ANK3: variants seen among roughly 807,000 people sequenced by gnomAD.
ANK3 encodes ankyrin-3.
ANK3 carries 57 observed loss-of-function variants against 370.9 expected under a neutral mutation model. The ratio of observed to expected loss-of-function variants is 0.15; its 90% CI spans 0.12 to 0.19. The LOEUF (loss-of-function observed/expected upper bound fraction) is 0.19, where lower values mean the gene tolerates loss of function less well. Among genes scored for constraint, ANK3 ranks in the 10% least tolerant of loss-of-function variants. The pLI is 1.00. For missense variants in ANK3, 4,439 were observed against 5,302.1 expected, an observed-to-expected ratio of 0.84 and a Z score of 5.06; for synonymous variants, 1,929 against 1,946.3, an observed-to-expected ratio of 0.99 and a Z score of 0.23.
chr10:60,103,125 AT>A (rs540477038), intron 28 of ANK3, among the ~76,000 whole-genome samples: 4 of 151,776 alleles, frequency 2.6e-5, no homozygotes, highest in Non-Finnish European at 5.9e-5. Flanking sequence ...TAATTTTTGT[AT>A]TTTTAGTAGA....
intron 8 of ANK3, among the ~76,000 whole-genome samples, chr10:60,223,594 T>C (rs1338597535): frequency 6.6e-6 from 1 of 152,184 alleles, no homozygotes. Context: ...AGTGAATGAA[T>C]GTGTTTTCAG....
At chr10:60,475,983 A>G (rs1409101980) in intron 2 of ANK3, among the ~76,000 whole-genome samples, 7 of 152,206 alleles carry the variant, frequency 4.6e-5, no homozygotes, top group African/African-American at 1.7e-4. Context: ...AAAGAAAACA[A>G]CTGAAAGAGA....
chr10:60,455,935 C>T (rs1411688930), intron 2 of ANK3, among the ~76,000 whole-genome samples: 2 of 152,176 alleles, frequency 1.3e-5, no homozygotes, highest in African/African-American at 4.8e-5. Flanking sequence ...TTAAACAGTT[C>T]CCTCTTCAAT....
At chr10:60,365,355 A>G (rs1221327030) in intron 1 of ANK3, among the ~76,000 whole-genome samples, 1 of 152,182 alleles carries the variant, frequency 6.6e-6, no homozygotes, top group Admixed American at 6.5e-5. Context: ...CTATTAATCC[A>G]AATCTGATAA....
At chr10:60,637,512 G>A (rs972728567) in intron 1 of ANK3, among the ~76,000 whole-genome samples, 4 of 152,034 alleles carry the variant, frequency 2.6e-5, no homozygotes, top group South Asian at 2.1e-4. Context: ...CAAATTCTTC[G>A]AACTAATAAT....
At chr10:60,297,714 T>C (rs1398941286) in intron 1 of ANK3, among the ~76,000 whole-genome samples, 2 of 152,136 alleles carry the variant, frequency 1.3e-5, no homozygotes, top group African/African-American at 2.4e-5. Flanking sequence ...TAAATTTGAT[T>C]ATCATCCAAA....
At chr10:60,325,802 T>C (rs1383564050) in intron 1 of ANK3, among the ~76,000 whole-genome samples, 7 of 152,170 alleles carry the variant, frequency 4.6e-5, no homozygotes, top group Non-Finnish European at 1.0e-4. Context: ...GGAGTATAAA[T>C]CATCCTTTTA....
At chr10:60,245,499 C>T (rs531837917) in intron 7 of ANK3, among the ~76,000 whole-genome samples, 2 of 152,282 alleles carry the variant, frequency 1.3e-5, no homozygotes, top group East Asian at 3.9e-4. Flanking sequence ...GTGGTCACTT[C>T]CCATTTCTCT....
At chr10:60,609,125 C>G (rs2078168249) in intron 2 of ANK3, among the ~76,000 whole-genome samples, 1 of 152,076 alleles carries the variant, frequency 6.6e-6, no homozygotes, top group South Asian at 2.1e-4. Flanking sequence ...ACGTACTTGC[C>G]AAGAACTTTT....
chr10:60,141,081 G>C, intron 23 of ANK3: 2 of 952,296 alleles, frequency 2.1e-6, no homozygotes, highest in Non-Finnish European at 2.5e-6. Flanking sequence ...AAAAGAGAGA[G>C]GGAGGGCCTG....
chr10:60,372,783 C>T (rs184480703), intron 1 of ANK3, among the ~76,000 whole-genome samples: 7 of 152,242 alleles, frequency 4.6e-5, no homozygotes, highest in South Asian at 2.1e-4. Flanking sequence ...CCTTCGAAAC[C>T]GATGTATTTA....
chr10:60,085,039 A>T, intron 31 of ANK3, 118 bp downstream of exon 31: 1 of 862,316 alleles, frequency 1.2e-6, no homozygotes, highest in South Asian at 1.9e-5. Context: ...ATAAGCAAAT[A>T]CTACGGATTT....
At chr10:60,269,270 T>C (rs2097924338) in intron 5 of ANK3, among the ~76,000 whole-genome samples, 1 of 152,202 alleles carries the variant, frequency 6.6e-6, no homozygotes, top group African/African-American at 2.4e-5. Flanking sequence ...TAAATAACTT[T>C]CTATTTTTAA....
chr10:60,588,833 C>A (rs1336956982), intron 2 of ANK3, among the ~76,000 whole-genome samples: 2 of 152,050 alleles, frequency 1.3e-5, no homozygotes, highest in East Asian at 3.9e-4. Flanking sequence ...TGGCTTAAAC[C>A]CAGGATGTTG....
At chr10:60,633,921 G>A (rs2078517889) in intron 1 of ANK3, among the ~76,000 whole-genome samples, 1 of 152,110 alleles carries the variant, frequency 6.6e-6, no homozygotes, top group African/African-American at 2.4e-5. Flanking sequence ...CTGCCTTAGA[G>A]CCAAACACAA....
At chr10:60,098,923 T>C (rs1215371209) in intron 28 of ANK3, among the ~76,000 whole-genome samples, 2 of 152,232 alleles carry the variant, frequency 1.3e-5, no homozygotes, top group Non-Finnish European at 2.9e-5. Context: ...CTGCTTGTTT[T>C]TCCCTCCAGT....
At chr10:60,525,472 G>T (rs1420610933) in intron 2 of ANK3, among the ~76,000 whole-genome samples, 1 of 152,064 alleles carries the variant, frequency 6.6e-6, no homozygotes, top group Admixed American at 6.6e-5. Context: ...GAAAGAAAGA[G>T]AACACGGTAT....
chr10:60,405,342 C>A (rs185496271), intron 2 of ANK3, among the ~76,000 whole-genome samples: 2 of 152,060 alleles, frequency 1.3e-5, no homozygotes, highest in African/African-American at 4.8e-5. Context: ...AAGGAAAAAA[C>A]CCCTACTGTT....
intron 16 of ANK3, 130 bp from the exon 17 acceptor site, chr10:60,187,042 A>G (rs779067782): frequency 2.8e-4 from 233 of 835,940 alleles, no homozygotes; most frequent in Non-Finnish European, 4.1e-4. Context: ...TTAAGTAAGC[A>G]AATACTGGTA....
Sources: allele counts gnomAD v4.1 joint callset (sites outside exome capture counted in the v4.1 genomes callset), GRCh38; gene constraint gnomAD v4.1.1; transcripts MANE v1.5; gene names NCBI Gene and HGNC (gene_info 2026-07-23, HGNC 2026-07-21).